Variants in DNAAF5 observed in about 807,000 individuals in gnomAD.
DNAAF5 encodes the protein dynein axonemal assembly factor 5.
Under a neutral mutation model 75.8 loss-of-function variants are expected in DNAAF5, and 64 were observed. The ratio of observed to expected loss-of-function variants is 0.84; its 90% CI spans 0.69 to 1.04. DNAAF5 has a LOEUF of 1.04. DNAAF5 is among the 50% of genes least tolerant of loss of function. The probability of loss-of-function intolerance (pLI) is 0.00; values close to 1 mark genes in which losing one functional copy is unlikely to be tolerated. For missense variants in DNAAF5, 1,269 were observed against 1,178.5 expected (o/e 1.08, Z -1.12); for synonymous variants, 657 against 557.2 (o/e 1.18, Z -2.52).
At chr7:764,057 A>C in intron 8 of DNAAF5, 83 bp downstream of exon 8, 1 of 1,429,392 alleles carries the variant, frequency 7.0e-7, no homozygotes, top group Non-Finnish European at 9.6e-7. Context: ...AGCAGGTACC[A>C]GCGCCGACCA....
chr7:734,236 C>T (rs1428345739), intron 2 of DNAAF5, among the ~76,000 whole-genome samples: 1 of 152,178 alleles, frequency 6.6e-6, no homozygotes, highest in Non-Finnish European at 1.5e-5. Flanking sequence ...AGCTGTGAGT[C>T]TTGTATATGG....
chr7:758,510 G>A (rs931305316), intron 6 of DNAAF5, among the ~76,000 whole-genome samples: 4 of 152,206 alleles, frequency 2.6e-5, no homozygotes, highest in African/African-American at 9.7e-5. Context: ...GGCTGCGAAC[G>A]TGTGTCGGCC....
chr7:727,320 G>C lies in DNAAF5; in HGVS notation c.595+5G>C. 14 of 1,276,108 alleles carry C rather than the reference G, an allele frequency of 1.1e-5. No homozygotes were observed. Among genetic ancestry groups the C allele is most frequent in the African/African-American group, 1.6e-5 (1 of 63,842 alleles). 79.0% of individuals were successfully genotyped at this position (1,276,108 alleles called of 1,614,324 possible). ...CCCTGGCGCAGGCCACGCCCGGTGA[G>C]CACCCCGGGCCCCGCTCCCACACGC... On this transcript the variant is annotated splice_donor_5th_base_variant and intron_variant, in intron 1 of 12. Coordinates refer to ENST00000297440, the MANE Select transcript of DNAAF5 (RefSeq NM_017802.4).
chr7:763,076 C>T (rs560443087), intron 7 of DNAAF5, among the ~76,000 whole-genome samples: 1 of 152,098 alleles, frequency 6.6e-6, no homozygotes, highest in Non-Finnish European at 1.5e-5. Context: ...GGGAGATTTA[C>T]GGCCTGAATG....
At chr7:764,669 TA>T (rs1216657673) in intron 8 of DNAAF5, among the ~76,000 whole-genome samples, 1 of 152,230 alleles carries the variant, frequency 6.6e-6, no homozygotes, top group Non-Finnish European at 1.5e-5. Context: ...AGATCGTTCT[TA>T]CACAATCTCT....
At chr7:766,154 TTA>T (rs1766243913) in intron 8 of DNAAF5, among the ~76,000 whole-genome samples, 1 of 152,204 alleles carries the variant, frequency 6.6e-6, no homozygotes, top group African/African-American at 2.4e-5. Context: ...CCAATGATGA[TTA>T]TGTTCTCTGA....
intron 12 of DNAAF5, among the ~76,000 whole-genome samples, chr7:785,304 C>T (rs1269895293): frequency 6.8e-6 from 1 of 147,874 alleles, no homozygotes; most frequent in African/African-American, 2.5e-5. Flanking sequence ...CTACTGTGTC[C>T]CCATCCAGCA....
At chr7:771,233 C>T (rs936575967) in intron 9 of DNAAF5, 1 of 152,284 alleles carries the variant, frequency 6.6e-6, no homozygotes, top group Non-Finnish European at 1.5e-5. Flanking sequence ...GGTCTAGGGC[C>T]TCCAGGTGTA....
intron 9 of DNAAF5, 125 bp from the exon 10 acceptor site, chr7:773,923 G>C (rs908156986): frequency 3.8e-6 from 4 of 1,062,652 alleles, no homozygotes; most frequent in Non-Finnish European, 5.7e-6. Flanking sequence ...GAGGGGCCTC[G>C]TGTTTTGGGG....
intron 4 of DNAAF5, among the ~76,000 whole-genome samples, chr7:753,421 G>A (rs974030083): frequency 4.6e-5 from 7 of 152,376 alleles, no homozygotes; most frequent in African/African-American, 1.7e-4. Context: ...GCTCAGTCAC[G>A]GGACAGATCC....
At chr7:781,071 G>A (rs924964274) in intron 12 of DNAAF5, among the ~76,000 whole-genome samples, 2 of 152,074 alleles carry the variant, frequency 1.3e-5, no homozygotes, top group Non-Finnish European at 2.9e-5. Flanking sequence ...ATGTTTAAAT[G>A]TGTGATAAAT....
chr7:739,348 A>G lies in DNAAF5; in HGVS notation c.781-1471A>G, dbSNP rs569947113. On this transcript the variant is annotated intron_variant, in intron 2 of 12. Coordinates refer to ENST00000297440, the MANE Select transcript of DNAAF5 (RefSeq NM_017802.4). ...TGCGGCCGTGGCAGGTGTCGACTGC[A>G]TTAAACCCTGGGCTGTCTCTGCTCG... Among the ~76,000 whole-genome samples, 17 of 152,198 alleles carry G rather than the reference A, an allele frequency of 1.1e-4. No individual in the cohort carries two copies. In the East Asian group the frequency reaches 1.9e-3, roughly 17 times the overall value.
chr7:748,294 G>T (rs1782181800), intron 4 of DNAAF5, among the ~76,000 whole-genome samples: 2 of 149,318 alleles, frequency 1.3e-5, no homozygotes, highest in East Asian at 4.0e-4. Flanking sequence ...GGTGTTGGTG[G>T]GGTTTGCTGG....
At chr7:729,518 G>A (rs544749447) in intron 1 of DNAAF5, 145 bp from the exon 2 acceptor site, 3 of 723,614 alleles carry the variant, frequency 4.1e-6, no homozygotes, top group African/African-American at 1.8e-5. Context: ...CCTGGATTGT[G>A]TACTGTTCAT....
chr7:733,799 G>C (rs1781655122), intron 2 of DNAAF5, among the ~76,000 whole-genome samples: 1 of 152,228 alleles, frequency 6.6e-6, no homozygotes, highest in Non-Finnish European at 1.5e-5. Flanking sequence ...TGGCCTTATA[G>C]TTTTCATTGT....
In DNAAF5 at chr7:740,882, T is replaced by C; in HGVS notation, c.844T>C (p.Phe282Leu). 2 of 1,614,032 alleles carry C rather than the reference T, an allele frequency of 1.2e-6. No homozygotes were observed. Among genetic ancestry groups the C allele is most frequent in the South Asian group, 2.2e-5 (2 of 91,068 alleles). Residue 282 changes from phenylalanine to leucine, a missense_variant, in exon 3 of 13, where the codon TTC becomes CTC. Transcript: ENST00000297440. ...WLLCLRDRYS[F>L]FHKLIPLLLS... ...GCTGTGTCTGCGTGACCGTTACTCC[T>C]TCTTCCACAAGCTCATCCCTCTGCT...
At position 785,766 on chromosome 7, in the gene DNAAF5, GAAT is replaced by G; in HGVS notation, c.*114_*116del. 1.6e-6 allele frequency: 2 copies of G among 1,263,746 alleles called. No individual in the cohort carries two copies. The highest frequency in any genetic ancestry group is 1.1e-6 in the Non-Finnish European group (1 of 919,742). 78.3% of individuals were successfully genotyped at this position (1,263,746 alleles called of 1,614,324 possible). A position where few individuals can be genotyped will look rare whatever the true frequency, so the allele number is the denominator to read the frequency against. Reference sequence around the variant, plus strand: ...GCCAGCAGTGAGACTGTGACAGCAAGAATGTACTCCTCAGGACACCTGCCCACT... The same window carrying G: ...GCCAGCAGTGAGACTGTGACAGCAAGGTACTCCTCAGGACACCTGCCCACT... On this transcript the variant is annotated 3_prime_UTR_variant, in exon 13 of 13. Transcript: ENST00000297440.
chr7:731,682 A>AT (rs373365394), intron 2 of DNAAF5, among the ~76,000 whole-genome samples: 125 of 147,738 alleles, frequency 8.5e-4, no homozygotes, highest in African/African-American at 1.5e-3. Flanking sequence ...TGTTTTTGTG[A>AT]TTTTTTTTTT....
Position 726,802 on chromosome 7 carries a change from A to G in DNAAF5, c.82A>G (p.Ser28Gly). 7.7e-7 allele frequency: 1 copy of G among 1,305,736 alleles called. No individual in the cohort carries two copies. The highest frequency in any genetic ancestry group is 9.7e-7 in the Non-Finnish European group (1 of 1,030,370). The allele number at this position is 1,305,736 out of a possible 1,614,324, so 80.9% of individuals were successfully genotyped here. The change falls in exon 1 of 13, where the codon AGC becomes GGC. Residue 28 changes from serine to glycine, a missense_variant. Transcript: ENST00000297440. The part of the protein sequence containing the change: ...GAETAEAVEL[S>G]RALSRLLPGL... ...CGAGACGGCTGAGGCGGTGGAGCTG[A>G]GCCGCGCCCTGAGCCGCCTGCTGCC...
Sources: gnomAD v4.1 joint callset for allele counts (sites outside exome capture counted in the v4.1 genomes callset) on GRCh38, gnomAD v4.1.1 for gene constraint, MANE v1.5 for transcripts, NCBI Gene and HGNC (gene_info 2026-07-23, HGNC 2026-07-21) for gene names.